Variants in DNAH5 observed in about 807,000 individuals in gnomAD.
DNAH5 encodes dynein axonemal heavy chain 5, also known as axonemal beta dynein heavy chain 5.
In DNAH5, 372 loss-of-function variants were observed where a neutral mutation model predicts 518.2. That is an observed-to-expected ratio of 0.72 (90% CI 0.66 to 0.78). The LOEUF (loss-of-function observed/expected upper bound fraction) is 0.78, where lower values mean the gene tolerates loss of function less well. Among genes scored for constraint, DNAH5 ranks in the 30% least tolerant of loss-of-function variants. The pLI is 0.00. For synonymous variants in DNAH5, 2,039 were observed against 2,025.9 expected, an observed-to-expected ratio of 1.01 and a Z score of -0.17; for missense variants, 5,523 against 5,687.0, an observed-to-expected ratio of 0.97 and a Z score of 0.93.
intron 30 of DNAH5, among the ~76,000 whole-genome samples, chr5:13,858,136 C>T (rs567639032): frequency 6.6e-6 from 1 of 152,300 alleles, no homozygotes; most frequent in Admixed American, 6.5e-5. Flanking sequence ...TATTGCAACA[C>T]TGTTCACAAA....
chr5:13,980,730 C>T (rs1328991242), intron 1 of DNAH5, among the ~76,000 whole-genome samples: 1 of 152,166 alleles, frequency 6.6e-6, no homozygotes, highest in Non-Finnish European at 1.5e-5. Flanking sequence ...CAGAATTGTC[C>T]TTTGAGAATG....
chr5:13,894,174 C>A (rs1312074899), intron 16 of DNAH5, among the ~76,000 whole-genome samples: 1 of 152,150 alleles, frequency 6.6e-6, no homozygotes, highest in Admixed American at 6.5e-5. Flanking sequence ...GCAACATACC[C>A]GTACACATTC....
chr5:13,913,549 C>A (rs1378074671), intron 11 of DNAH5, among the ~76,000 whole-genome samples, 194 bp downstream of exon 11: 3 of 151,926 alleles, frequency 2.0e-5, no homozygotes, highest in African/African-American at 7.2e-5. Context: ...AACCACACAC[C>A]TGAAAAGAAC....
Position 13,807,479 on chromosome 5 carries a change from T to C in DNAH5, c.7887+112A>G, listed in dbSNP as rs1349093951. On this transcript the variant is annotated intron_variant, in intron 47 of 78. Transcript: ENST00000265104. ...ATGGAAGACGTACGTGGGTGATTTATCATGGCTATGAAAATTCAGATGAGA... is the reference window on the plus strand; with the variant it reads ...ATGGAAGACGTACGTGGGTGATTTACCATGGCTATGAAAATTCAGATGAGA... 8 of 1,041,298 alleles carry C rather than the reference T, an allele frequency of 7.7e-6. No individual in the cohort carries two copies. In the African/African-American group the frequency reaches 1.3e-4, roughly 17 times the overall value. The allele number at this position is 1,041,298 out of a possible 1,614,324, so 64.5% of individuals were successfully genotyped here.
chr5:13,713,795 T>C (rs1459368080), intron 75 of DNAH5, among the ~76,000 whole-genome samples: 7 of 151,856 alleles, frequency 4.6e-5, no homozygotes, highest in African/African-American at 1.5e-4. Context: ...CTAAAGAACT[T>C]ACTCATGTAA....
At chr5:13,785,378 T>C (rs1425508900) in intron 52 of DNAH5, among the ~76,000 whole-genome samples, 2 of 152,168 alleles carry the variant, frequency 1.3e-5, no homozygotes, top group Non-Finnish European at 2.9e-5. Flanking sequence ...GCCCCGGGGC[T>C]GGGAACCCCT....
chr5:13,841,941 A>T, intron 32 of DNAH5, 37 bp from the exon 33 acceptor site: 1 of 1,037,652 alleles, frequency 9.6e-7, no homozygotes, highest in Non-Finnish European at 1.4e-6. Context: ...AAAAAAAGCT[A>T]TAGTCATATA....
chr5:13,917,049 A>C, intron 8 of DNAH5, 94 bp downstream of exon 8: 1 of 968,628 alleles, frequency 1.0e-6, no homozygotes, highest in Non-Finnish European at 1.6e-6. Context: ...CTTTCCAATG[A>C]ACTGTAATAT....
In DNAH5 at chr5:13,883,057, C is replaced by A. The variant is rs188638970; in HGVS notation, c.3021G>T (p.Leu1007Phe). 7.8e-4 allele frequency: 1,254 copies of A among 1,614,110 alleles called. 18 individuals carry two copies. The Admixed American group carries it at 0.02, about 25-fold the overall frequency. The change falls in exon 20 of 79, where the codon TTG becomes TTT. Residue 1007 changes from leucine to phenylalanine, a missense_variant. By Grantham distance (22) the Leu-to-Phe change is conservative. Coordinates refer to ENST00000265104, the MANE Select transcript of DNAH5 (RefSeq NM_001369.3). ...NSASNMKQNS[L>F]PIFRASVTLA... Reference sequence around the variant, plus strand: ...GAGTGACGCTTGCCCGGAAAATGGGCAAACTGTTCTGCTTCATGTTAGAGG... The same window carrying A: ...GAGTGACGCTTGCCCGGAAAATGGGAAAACTGTTCTGCTTCATGTTAGAGG...
intron 64 of DNAH5, among the ~76,000 whole-genome samples, chr5:13,751,886 G>C (rs1354493429): frequency 6.6e-6 from 1 of 152,180 alleles, no homozygotes; most frequent in East Asian, 1.9e-4. Flanking sequence ...GGGGCATGGA[G>C]AGGCTTCAAA....
chr5:13,762,087 C>T (rs1048920791), intron 60 of DNAH5, among the ~76,000 whole-genome samples: 1 of 152,194 alleles, frequency 6.6e-6, no homozygotes, highest in Non-Finnish European at 1.5e-5. Context: ...TCAAAAAACC[C>T]ACTCTCCATT....
intron 1 of DNAH5, among the ~76,000 whole-genome samples, chr5:13,974,921 C>T (rs1782132013): frequency 6.6e-6 from 1 of 152,120 alleles, no homozygotes; most frequent in Non-Finnish European, 1.5e-5. Context: ...GCCAGGGCAG[C>T]CCTATAGCAT....
intron 76 of DNAH5, among the ~76,000 whole-genome samples, chr5:13,703,771 G>A (rs13153679): frequency 0.48 from 73,072 of 151,650 alleles, 18,117 homozygotes; most frequent in Non-Finnish European, 0.54. Flanking sequence ...AGGAGATAAA[G>A]AAATTCATCT....
At chr5:13,710,889 TA>T (rs1221726986) in intron 75 of DNAH5, among the ~76,000 whole-genome samples, 6 of 151,954 alleles carry the variant, frequency 3.9e-5, no homozygotes, top group Non-Finnish European at 1.5e-5. Context: ...ATTACCAACA[TA>T]AAAAAATCTA....
chr5:13,708,336 C>G lies in DNAH5; in HGVS notation c.13126-1G>C. 6.2e-7 allele frequency: 1 copy of G among 1,613,802 alleles called. No homozygotes were observed. The highest frequency in any genetic ancestry group is 8.5e-7 in the Non-Finnish European group (1 of 1,179,948). ...CCATCTTCTGCAGCCTCTCTTTTAC[C>G]TGCCATGGAGACATTCAAAGCACAT... is the stretch of plus-strand genomic sequence containing the variant. On this transcript the variant is annotated splice_acceptor_variant, in intron 75 of 78. Coordinates refer to ENST00000265104, the MANE Select transcript of DNAH5 (RefSeq NM_001369.3). LOFTEE classifies it high-confidence loss of function.
At position 13,718,986 on chromosome 5, in the gene DNAH5, G is replaced by A. The variant is rs1358272874; in HGVS notation, c.12395C>T (p.Thr4132Ile). ...AATGGGAAACTGCTTATGAGCCTCG[G>A]TGGTCATCCAGAGGCGGAACGCATC... The part of the protein sequence containing the change: ...VHDAFRLWMT[T>I]EAHKQFPITL... Residue 4132 changes from threonine (T) to isoleucine (I), a missense_variant, in exon 72 of 79, where the codon ACC (threonine) becomes ATC (isoleucine). By Grantham distance (89) the Thr-to-Ile change is moderately conservative. Transcript: ENST00000265104. 1.2e-6 allele frequency: 2 copies of A among 1,614,080 alleles called. No homozygotes were observed. Among genetic ancestry groups the A allele is most frequent in the Non-Finnish European group, 1.7e-6 (2 of 1,179,998 alleles).
intron 14 of DNAH5, 72 bp downstream of exon 14, chr5:13,901,180 A>T: frequency 6.6e-7 from 1 of 1,516,466 alleles, no homozygotes; most frequent in Non-Finnish European, 9.0e-7. Flanking sequence ...CTAAAGAAAT[A>T]ACACTGTCAA....
Position 13,839,368 on chromosome 5 carries a change from G to A in DNAH5, c.5870C>T (p.Pro1957Leu). The change falls in exon 35 of 79, where the codon CCA (proline) becomes CTA (leucine). Residue 1957 changes from proline (P) to leucine (L), a missense_variant. Coordinates refer to ENST00000265104, the MANE Select transcript of DNAH5 (RefSeq NM_001369.3). Reference sequence around the variant, plus strand: ...AGGGTTCCATCACCTGTCTGTAAGTGGAGTTATTACAAGCCTGTCAGTGCA... The same window carrying A: ...AGGGTTCCATCACCTGTCTGTAAGTAGAGTTATTACAAGCCTGTCAGTGCA... ...LGCTDRLVIT[P>L]LTDRCYITLA... The A allele has an allele frequency of 6.2e-7, 1 of 1,613,998 alleles. No individual in the cohort carries two copies. Among genetic ancestry groups the A allele is most frequent in the Non-Finnish European group, 8.5e-7 (1 of 1,179,888 alleles).
At chr5:14,006,826 T>C (rs1784752215) in intron 1 of DNAH5, among the ~76,000 whole-genome samples, 1 of 152,214 alleles carries the variant, frequency 6.6e-6, no homozygotes, top group South Asian at 2.1e-4. Flanking sequence ...GTCTTTTTTA[T>C]TCTTTCTTAT....
Sources: allele counts gnomAD v4.1 joint callset (sites outside exome capture counted in the v4.1 genomes callset), GRCh38; gene constraint gnomAD v4.1.1; transcripts MANE v1.5; gene names NCBI Gene and HGNC (gene_info 2026-07-23, HGNC 2026-07-21).